Variants in DPP6 observed in about 807,000 individuals in gnomAD.
DPP6 encodes dipeptidyl peptidase like 6.
Under a neutral mutation model 122.6 loss-of-function variants are expected in DPP6, and 69 were observed. The ratio of observed to expected loss-of-function variants is 0.56; its 90% CI spans 0.46 to 0.69. The LOEUF (loss-of-function observed/expected upper bound fraction) is 0.69, where lower values mean the gene tolerates loss of function less well. Among genes scored for constraint, DPP6 ranks in the 30% least tolerant of loss-of-function variants. The pLI is 0.00. For synonymous variants in DPP6, 418 were observed against 433.1 expected (o/e 0.97, Z 0.43); for missense variants, 928 against 1,116.9 (o/e 0.83, Z 2.41).
At chr7:154,243,652 G>A (rs751883183) in intron 1 of DPP6, among the ~76,000 whole-genome samples, 6 of 151,818 alleles carry the variant, frequency 4.0e-5, no homozygotes, top group Admixed American at 3.3e-4. Flanking sequence ...AAAATTAGCC[G>A]GGCATGGTGG....
chr7:154,673,741 T>C (rs1037074464), intron 7 of DPP6, among the ~76,000 whole-genome samples: 7 of 152,234 alleles, frequency 4.6e-5, no homozygotes, highest in African/African-American at 1.7e-4. Flanking sequence ...TTCCTCTTCC[T>C]CCAAACTGGA....
At chr7:154,609,676 TGG>T (rs1228530355) in intron 5 of DPP6, among the ~76,000 whole-genome samples, 1 of 152,166 alleles carries the variant, frequency 6.6e-6, no homozygotes. Flanking sequence ...CAGCACACAG[TGG>T]GACAGTCTGT....
upstream of DPP6, among the ~76,000 whole-genome samples, chr7:153,884,717 G>A (rs961891365): frequency 2.0e-5 from 3 of 152,090 alleles, no homozygotes; most frequent in Non-Finnish European, 2.9e-5. Context: ...AGTGGCTCAC[G>A]CCTGTAATTC....
intron 8 of DPP6, among the ~76,000 whole-genome samples, chr7:154,732,037 TTTTG>T (rs1842363253): frequency 6.6e-6 from 1 of 151,806 alleles, no homozygotes; most frequent in African/African-American, 2.4e-5. Flanking sequence ...TTTGTTTTTC[TTTTG>T]TTTGTTTTTT....
chr7:153,992,127 A>G (rs1797210038), intron 1 of DPP6, among the ~76,000 whole-genome samples: 1 of 151,870 alleles, frequency 6.6e-6, no homozygotes, highest in African/African-American at 2.4e-5. Context: ...CCACCCCCCA[A>G]ACACTGTTGC....
intron 1 of DPP6, among the ~76,000 whole-genome samples, chr7:153,929,733 A>G (rs954831217): frequency 6.6e-6 from 1 of 152,198 alleles, no homozygotes; most frequent in African/African-American, 2.4e-5. Flanking sequence ...TAATTTTTTA[A>G]TCATGACCAC....
intron 7 of DPP6, among the ~76,000 whole-genome samples, chr7:154,719,957 C>T (rs944686746): frequency 2.3e-4 from 35 of 152,196 alleles, no homozygotes; most frequent in Non-Finnish European, 4.3e-4. Context: ...CCTGCGCCCA[C>T]GTCCAACCTC....
intron 1 of DPP6, among the ~76,000 whole-genome samples, chr7:154,432,705 C>T (rs538519619): frequency 9.7e-4 from 148 of 152,276 alleles, no homozygotes; most frequent in Non-Finnish European, 1.9e-3. Context: ...AGCCACAAAG[C>T]TTATGCATGC....
intron 1 of DPP6, among the ~76,000 whole-genome samples, chr7:154,411,518 G>C (rs1204786316): frequency 2.6e-5 from 4 of 152,172 alleles, no homozygotes; most frequent in African/African-American, 9.7e-5. Context: ...GGAGATTACA[G>C]GCATGAGCCA....
chr7:154,162,758 G>A (rs1013233460), intron 1 of DPP6, among the ~76,000 whole-genome samples: 1 of 152,204 alleles, frequency 6.6e-6, no homozygotes, highest in Non-Finnish European at 1.5e-5. Context: ...TGGAATCTGT[G>A]CATTGCTAGC....
At chr7:154,053,343 C>T (rs886874180) in intron 1 of DPP6, among the ~76,000 whole-genome samples, 22 of 152,100 alleles carry the variant, frequency 1.4e-4, no homozygotes, top group Admixed American at 5.9e-4. Context: ...ATTCGCCTTA[C>T]GTTCCCTGGG....
At chr7:153,884,581 A>T (rs539453387), upstream of DPP6, among the ~76,000 whole-genome samples, 2 of 152,304 alleles carry the variant, frequency 1.3e-5, no homozygotes, top group South Asian at 4.1e-4. Flanking sequence ...ATGCACACAT[A>T]TGTTTATTGT....
At chr7:153,845,224 C>T in the DPP6 span, among the ~76,000 whole-genome samples, 1 of 151,988 alleles carries the variant, frequency 6.6e-6, no homozygotes, top group South Asian at 2.1e-4. Flanking sequence ...TTAGCTATAA[C>T]CTAATGTTTA....
chr7:154,588,204 C>T lies in DPP6; in HGVS notation c.627+21288C>T, dbSNP rs959033668. ...ATCCTATCCCTGGTCACTGGGTGCCCGCAGAGTGTCCCAGAGGAGGGAGGG... is the reference window on the plus strand; with the variant it reads ...ATCCTATCCCTGGTCACTGGGTGCCTGCAGAGTGTCCCAGAGGAGGGAGGG... On this transcript the variant is annotated intron_variant, in intron 5 of 25. Transcript: ENST00000377770. 3.3e-5 allele frequency: 48 copies of T among 1,466,290 alleles called. 1 individual carries two copies. Among genetic ancestry groups the T allele is most frequent in the Middle Eastern group, 2.4e-4 (1 of 4,096 alleles). The allele number at this position is 1,466,290 out of a possible 1,614,324, so 90.8% of individuals were successfully genotyped here.
At chr7:153,995,445 G>T (rs2129043875) in intron 1 of DPP6, among the ~76,000 whole-genome samples, 1 of 152,188 alleles carries the variant, frequency 6.6e-6, no homozygotes, top group Admixed American at 6.5e-5. Flanking sequence ...AATTAGCCAG[G>T]GGTGGTGGCG....
intron 1 of DPP6, among the ~76,000 whole-genome samples, chr7:154,206,232 C>T (rs1799437337): frequency 6.6e-6 from 1 of 152,214 alleles, no homozygotes; most frequent in Non-Finnish European, 1.5e-5. Flanking sequence ...CCTCTATCAA[C>T]CAGCACCGTG....
the DPP6 span, among the ~76,000 whole-genome samples, chr7:153,809,721 T>C: frequency 2.6e-5 from 4 of 151,798 alleles, no homozygotes; most frequent in East Asian, 7.7e-4. Flanking sequence ...GTTCTAACCT[T>C]GGATCTGTTT....
Position 154,663,306 on chromosome 7 carries a change from A to G in DPP6, c.681-6054A>G, listed in dbSNP as rs376340939. 1.1e-3 allele frequency among the ~76,000 whole-genome samples: 33 copies of G among 31,230 alleles called. 1 individual carries two copies. The highest frequency in any genetic ancestry group is 2.7e-3 in the South Asian group (1 of 374). 20.5% of individuals were successfully genotyped at this position (31,230 alleles called of 152,430 possible). A position where few individuals can be genotyped will look rare whatever the true frequency, so the allele number is the denominator to read the frequency against. On this transcript the variant is annotated intron_variant, in intron 6 of 25. Coordinates refer to ENST00000377770, the MANE Select transcript of DPP6 (RefSeq NM_130797.4). The stretch of plus-strand genomic sequence containing the variant: ...GGTGAATCACCATGGCGTATTGGCC[A>G]TAGTGTTCATAGAGTCATGGTGAAT...
chr7:153,813,066 T>A, the DPP6 span, among the ~76,000 whole-genome samples: 1 of 151,934 alleles, frequency 6.6e-6, no homozygotes, highest in Admixed American at 6.6e-5. Context: ...ATGTGCACAA[T>A]GTGCAGGCTA....
Sources: allele counts gnomAD v4.1 joint callset (sites outside exome capture counted in the v4.1 genomes callset), GRCh38; gene constraint gnomAD v4.1.1; transcripts MANE v1.5; gene names NCBI Gene and HGNC (gene_info 2026-07-23, HGNC 2026-07-21).